Variants in FRMD3 observed in about 807,000 individuals in gnomAD.
The protein encoded by FRMD3 is FERM domain-containing protein 3.
A neutral mutation model predicts 70.2 loss-of-function variants in FRMD3; 33 were observed. That is an observed-to-expected ratio of 0.47 (90% CI 0.36 to 0.63). The LOEUF is 0.63. Ranked by LOEUF, FRMD3 falls within the 20% of genes least tolerant of loss-of-function variation. The pLI is 0.00. For synonymous variants in FRMD3, 279 were observed against 255.9 expected (o/e 1.09, Z -0.86); for missense variants, 632 against 711.4 (o/e 0.89, Z 1.27).
intron 1 of FRMD3, among the ~76,000 whole-genome samples, chr9:83,493,900 T>G (rs1243485410): frequency 1.3e-5 from 2 of 152,208 alleles, no homozygotes; most frequent in Non-Finnish European, 2.9e-5. Flanking sequence ...TGCTCTCCTT[T>G]GTGGAGCACA....
the FRMD3 span, among the ~76,000 whole-genome samples, chr9:83,569,962 A>G: frequency 6.6e-6 from 1 of 152,234 alleles, no homozygotes; most frequent in South Asian, 2.1e-4. Flanking sequence ...GAAATTCTCC[A>G]GAATGTCGGA....
At chr9:83,395,486 T>C (rs1468260087) in intron 1 of FRMD3, among the ~76,000 whole-genome samples, 1 of 152,022 alleles carries the variant, frequency 6.6e-6, no homozygotes, top group Non-Finnish European at 1.5e-5. Flanking sequence ...CTCCTCCCAC[T>C]CTCCACCCCC....
chr9:83,333,206 A>G (rs1823451553), intron 6 of FRMD3, among the ~76,000 whole-genome samples: 1 of 152,234 alleles, frequency 6.6e-6, no homozygotes, highest in Non-Finnish European at 1.5e-5. Flanking sequence ...ATACACAGGG[A>G]AATAGCCCCT....
At chr9:83,525,143 G>A (rs939955979) in intron 1 of FRMD3, among the ~76,000 whole-genome samples, 2 of 152,196 alleles carry the variant, frequency 1.3e-5, no homozygotes, top group African/African-American at 4.8e-5. Flanking sequence ...GGTTAATCTT[G>A]ACTTTCCAGA....
chr9:83,507,687 C>A (rs1239194421), intron 1 of FRMD3, among the ~76,000 whole-genome samples: 1 of 46,898 alleles, frequency 2.1e-5, no homozygotes, highest in Non-Finnish European at 4.8e-5. Context: ...AAAAAATATA[C>A]ATACATATAT....
intron 2 of FRMD3, among the ~76,000 whole-genome samples, chr9:83,380,826 T>C (rs1388353636): frequency 1.3e-5 from 2 of 152,156 alleles, no homozygotes; most frequent in Non-Finnish European, 2.9e-5. Flanking sequence ...CCCAGAGAAA[T>C]ATGTTAAATA....
intron 1 of FRMD3, among the ~76,000 whole-genome samples, chr9:83,492,722 C>T (rs767312255): frequency 6.6e-6 from 1 of 152,206 alleles, no homozygotes; most frequent in African/African-American, 2.4e-5. Flanking sequence ...GTGTCCACCT[C>T]GACCCAGTTC....
intron 4 of FRMD3, among the ~76,000 whole-genome samples, chr9:83,345,614 G>A (rs144764344): frequency 0.024 from 3,626 of 151,960 alleles, 152 homozygotes; most frequent in African/African-American, 0.083. Flanking sequence ...AAAATTAGTC[G>A]GGCGTGGTGG....
intron 3 of FRMD3, 97 bp from the exon 4 acceptor site, chr9:83,349,854 C>G: frequency 2.5e-5 from 20 of 806,758 alleles, no homozygotes; most frequent in East Asian, 6.0e-5. Context: ...ACAGACTAGC[C>G]TGGGGAGTGG....
chr9:83,492,723 G>A (rs933122878), intron 1 of FRMD3, among the ~76,000 whole-genome samples: 3 of 152,128 alleles, frequency 2.0e-5, no homozygotes, highest in Admixed American at 6.5e-5. Context: ...TGTCCACCTC[G>A]ACCCAGTTCC....
intron 13 of FRMD3, among the ~76,000 whole-genome samples, chr9:83,283,548 AT>A (rs1226298567): frequency 0.03 from 411 of 13,508 alleles, 5 homozygotes; most frequent in East Asian, 0.04. Context: ...AAAAAAAAAA[AT>A]AATAATAATA....
At chr9:83,389,464 T>C (rs1437567880) in intron 2 of FRMD3, 140 bp downstream of exon 2, 4 of 643,834 alleles carry the variant, frequency 6.2e-6, no homozygotes, top group Non-Finnish European at 1.1e-5. Context: ...AATGCCAGCC[T>C]CTTCTGCTCA....
chr9:83,394,866 C>T (rs1277988407), intron 1 of FRMD3, among the ~76,000 whole-genome samples: 1 of 152,176 alleles, frequency 6.6e-6, no homozygotes, highest in Non-Finnish European at 1.5e-5. Context: ...CACCACTCAT[C>T]AGCTAAGTGG....
chr9:83,479,746 A>AAAG (rs1396564008), intron 1 of FRMD3, among the ~76,000 whole-genome samples: 4 of 70,044 alleles, frequency 5.7e-5, no homozygotes, highest in African/African-American at 1.7e-4. Flanking sequence ...AAAGAAAAAG[A>AAAG]AAAGAGAAGA....
intron 3 of FRMD3, among the ~76,000 whole-genome samples, chr9:83,350,493 C>T (rs998695936): frequency 6.6e-6 from 1 of 150,912 alleles, no homozygotes. Flanking sequence ...TGTGGTGGCA[C>T]ATGCCTGTAA....
intron 1 of FRMD3, among the ~76,000 whole-genome samples, chr9:83,514,751 G>A (rs745945554): frequency 2.0e-5 from 3 of 152,208 alleles, no homozygotes; most frequent in Non-Finnish European, 4.4e-5. Flanking sequence ...CTAAGACAAA[G>A]CTTCCAGAGG....
At chr9:83,402,142 G>A (rs1268714509) in intron 1 of FRMD3, among the ~76,000 whole-genome samples, 1 of 151,300 alleles carries the variant, frequency 6.6e-6, no homozygotes, top group Non-Finnish European at 1.5e-5. Context: ...TGATTTGTGA[G>A]TATACAGCTC....
chr9:83,326,546 T>C (rs569289201), intron 6 of FRMD3, among the ~76,000 whole-genome samples: 2 of 152,276 alleles, frequency 1.3e-5, no homozygotes, highest in African/African-American at 2.4e-5. Flanking sequence ...GGGACCCTGA[T>C]AGGACTGGAG....
At chr9:83,352,531 C>T (rs1427342799) in intron 3 of FRMD3, among the ~76,000 whole-genome samples, 1 of 152,176 alleles carries the variant, frequency 6.6e-6, no homozygotes, top group African/African-American at 2.4e-5. Flanking sequence ...GCCTTCCCAC[C>T]CAGTTCTCCT....
Sources: gnomAD v4.1 joint callset for allele counts (sites outside exome capture counted in the v4.1 genomes callset) on GRCh38, gnomAD v4.1.1 for gene constraint, MANE v1.5 for transcripts, NCBI Gene and HGNC (gene_info 2026-07-23, HGNC 2026-07-21) for gene names.